Variants in FARP1 observed in about 807,000 individuals in gnomAD.
FARP1 encodes the protein FERM, ARHGEF and pleckstrin domain-containing protein 1.
A neutral mutation model predicts 128.8 loss-of-function variants in FARP1; 52 were observed. The observed-to-expected ratio is 0.40, with a 90% CI of 0.32 to 0.51. FARP1 has a LOEUF of 0.51. Among genes scored for constraint, FARP1 ranks in the 20% least tolerant of loss-of-function variants. The pLI is 0.45. For missense variants in FARP1, 1,333 were observed against 1,367.9 expected (o/e 0.97, Z 0.40); for synonymous variants, 580 against 551.8 (o/e 1.05, Z -0.72).
intron 1 of FARP1, among the ~76,000 whole-genome samples, chr13:98,165,710 G>GT (rs71111927): frequency 0.12 from 8,745 of 74,012 alleles, 1,549 homozygotes; most frequent in East Asian, 0.17. Context: ...TCCAGAAGGG[G>GT]TTTTTTTTTT....
At chr13:98,391,510 A>G (rs1458695438) in intron 11 of FARP1, among the ~76,000 whole-genome samples, 3 of 152,198 alleles carry the variant, frequency 2.0e-5, no homozygotes, top group Non-Finnish European at 4.4e-5. Flanking sequence ...GGCTCAAGCC[A>G]TCTTCCCGCC....
chr13:98,276,597 A>G (rs1321919914), intron 2 of FARP1, among the ~76,000 whole-genome samples: 1 of 152,182 alleles, frequency 6.6e-6, no homozygotes, highest in Non-Finnish European at 1.5e-5. Flanking sequence ...CTTTATTATT[A>G]TATTGTTTTT....
At chr13:98,286,918 T>G (rs1566834910) in intron 2 of FARP1, among the ~76,000 whole-genome samples, 1 of 152,210 alleles carries the variant, frequency 6.6e-6, no homozygotes, top group Non-Finnish European at 1.5e-5. Flanking sequence ...AGATTTTGTT[T>G]CCATGATATC....
chr13:98,254,232 G>A (rs773382040), intron 2 of FARP1, among the ~76,000 whole-genome samples: 10 of 152,198 alleles, frequency 6.6e-5, no homozygotes, highest in Non-Finnish European at 1.2e-4. Flanking sequence ...CATTATTGGT[G>A]TTTGTGTCAT....
At chr13:98,406,127 G>C (rs1246105376) in intron 13 of FARP1, 1 of 152,162 alleles carries the variant, frequency 6.6e-6, no homozygotes, top group Non-Finnish European at 1.5e-5. Context: ...ACACCAGTTT[G>C]TACAGACTGT....
intron 2 of FARP1, among the ~76,000 whole-genome samples, chr13:98,237,966 T>G (rs538269096): frequency 6.6e-6 from 1 of 151,624 alleles, no homozygotes; most frequent in African/African-American, 2.4e-5. Context: ...GCAGGCTTGC[T>G]CTAAGAAAGT....
At chr13:98,338,529 G>T (rs603531) in intron 2 of FARP1, 24,399 of 152,164 alleles carry the variant, frequency 0.16, 3,515 homozygotes, top group African/African-American at 0.39. Flanking sequence ...CCAGTGTGTG[G>T]AATCGTCCTC....
chr13:98,274,056 C>G (rs1884513873), intron 2 of FARP1, among the ~76,000 whole-genome samples: 1 of 152,108 alleles, frequency 6.6e-6, no homozygotes, highest in Non-Finnish European at 1.5e-5. Context: ...TCTGAGGGGA[C>G]AGACTTTTCA....
At chr13:98,217,641 G>A (rs1202771132) in intron 2 of FARP1, among the ~76,000 whole-genome samples, 3 of 152,162 alleles carry the variant, frequency 2.0e-5, no homozygotes, top group South Asian at 2.1e-4. Context: ...CCTGTACACC[G>A]GGAGGTGCCT....
intron 1 of FARP1, among the ~76,000 whole-genome samples, chr13:98,148,089 A>T (rs1482498335): frequency 6.6e-6 from 1 of 152,190 alleles, no homozygotes; most frequent in Admixed American, 6.5e-5. Context: ...CTTTTCAAAA[A>T]AAAAGACAAT....
At chr13:98,325,420 C>G (rs1009495259) in intron 2 of FARP1, among the ~76,000 whole-genome samples, 6 of 152,152 alleles carry the variant, frequency 3.9e-5, no homozygotes, top group Non-Finnish European at 7.3e-5. Flanking sequence ...AAGGCTCCCA[C>G]CTGACGCCCC....
intron 2 of FARP1, among the ~76,000 whole-genome samples, chr13:98,297,300 A>G (rs769507693): frequency 2.6e-5 from 4 of 152,220 alleles, no homozygotes; most frequent in Admixed American, 6.5e-5. Flanking sequence ...GGAGCTGCCC[A>G]TGAACTTTTA....
intron 2 of FARP1, among the ~76,000 whole-genome samples, chr13:98,289,305 A>G (rs1566838115): frequency 6.6e-6 from 1 of 152,226 alleles, no homozygotes; most frequent in Non-Finnish European, 1.5e-5. Context: ...TCAAAGTTAA[A>G]TTAAGCACAA....
intron 23 of FARP1, among the ~76,000 whole-genome samples, 160 bp downstream of exon 23, chr13:98,440,395 C>A (rs113400575): frequency 0.011 from 1,604 of 152,296 alleles, 37 homozygotes; most frequent in African/African-American, 0.038. Flanking sequence ...AAAAGTAAAA[C>A]CCCTGAAATC....
At chr13:98,405,472 G>C (rs1566296861) in intron 13 of FARP1, 1 of 152,184 alleles carries the variant, frequency 6.6e-6, no homozygotes, top group Admixed American at 6.5e-5. Flanking sequence ...TTCAGTCTGA[G>C]GGGGGCAGCA....
chr13:98,400,400 T>C (rs1393060409), intron 13 of FARP1: 1 of 152,242 alleles, frequency 6.6e-6, no homozygotes, highest in African/African-American at 2.4e-5. Flanking sequence ...GAAACTGCCA[T>C]GAGTGTGCAC....
At chr13:98,407,236 T>A (rs1289941143) in intron 13 of FARP1, 6 of 152,584 alleles carry the variant, frequency 3.9e-5, no homozygotes, top group Non-Finnish European at 4.4e-5. Context: ...AAAAAACAAC[T>A]CTCCAACAGC....
At chr13:98,304,681 A>C (rs1196160533) in intron 2 of FARP1, among the ~76,000 whole-genome samples, 4 of 152,242 alleles carry the variant, frequency 2.6e-5, no homozygotes, top group Admixed American at 1.3e-4. Context: ...GACCAAACTG[A>C]TGAACTGAGA....
intron 5 of FARP1, among the ~76,000 whole-genome samples, chr13:98,373,503 T>G (rs937160606): frequency 6.8e-6 from 1 of 147,444 alleles, no homozygotes; most frequent in Non-Finnish European, 1.5e-5. Flanking sequence ...CTGCTTTTCT[T>G]CCCTTTGACT....
Sources: gnomAD v4.1 joint callset for allele counts (sites outside exome capture counted in the v4.1 genomes callset) on GRCh38, gnomAD v4.1.1 for gene constraint, MANE v1.5 for transcripts, NCBI Gene and HGNC (gene_info 2026-07-23, HGNC 2026-07-21) for gene names.